MTCL1: variants seen among roughly 807,000 people sequenced by gnomAD.
The protein encoded by MTCL1 is microtubule crosslinking factor 1.
Under a neutral mutation model 141.4 loss-of-function variants are expected in MTCL1, and 79 were observed. That is an observed-to-expected ratio of 0.56 (90% CI 0.47 to 0.67). The LOEUF is 0.67. MTCL1 is among the 30% of genes least tolerant of loss of function. The pLI, the probability that MTCL1 is intolerant of heterozygous loss-of-function variation, is 0.00. For missense variants in MTCL1, 2,177 were observed against 2,113.9 expected (o/e 1.03, Z -0.59); for synonymous variants, 914 against 875.8 (o/e 1.04, Z -0.77).
intron 4 of MTCL1, among the ~76,000 whole-genome samples, chr18:8,728,720 C>CTTT (rs34524200): frequency 0.017 from 1,014 of 59,064 alleles, 273 homozygotes; most frequent in Admixed American, 0.038. Context: ...GTTGTCCATT[C>CTTT]TTTTTTTTTT....
intron 4 of MTCL1, among the ~76,000 whole-genome samples, chr18:8,729,755 ACTCCGTAG>A (rs2096241182): frequency 7.9e-6 from 1 of 126,190 alleles, no homozygotes; most frequent in Non-Finnish European, 1.7e-5. Flanking sequence ...ATTTTCTCTT[ACTCCGTAG>A]CTTGTCTTCT....
At chr18:8,705,562 G>A (rs955788716), upstream of MTCL1, 21 of 1,120,654 alleles carry the variant, frequency 1.9e-5, no homozygotes, top group Admixed American at 2.4e-4. This position sits in a 1 kb window ranked among gnomAD's most constrained non-coding sequence, Gnocchi z 5.2. Flanking sequence ...GGACAGTGAT[G>A]AGAGAGCGCG....
chr18:8,804,427 A>G (rs1382752100), intron 10 of MTCL1, among the ~76,000 whole-genome samples: 1 of 152,030 alleles, frequency 6.6e-6, no homozygotes, highest in Non-Finnish European at 1.5e-5. Context: ...ATTTTTAGGT[A>G]CTTTTTGACG....
rs2096525495 is a variant in MTCL1 at position 8,779,514 on chromosome 18, T to G, written c.417+1622T>G. On this transcript the variant is annotated intron_variant, in intron 5 of 16. Transcript: ENST00000359865. This position sits in a 1 kb window ranked among gnomAD's most constrained non-coding sequence, Gnocchi z 4.1. ...CCTGAGCTGAAGCTGTGATTCCACA[T>G]CTTATGAGAAGGAGTGGCTTCCCCT... 6.6e-6 allele frequency among the ~76,000 whole-genome samples: 1 copy of G among 152,152 alleles called. No individual in the cohort carries two copies. Among genetic ancestry groups the G allele is most frequent in the Admixed American group, 6.5e-5 (1 of 15,284 alleles).
chr18:8,791,445 A>G (rs1380126120), intron 7 of MTCL1, among the ~76,000 whole-genome samples: 1 of 149,994 alleles, frequency 6.7e-6, no homozygotes, highest in Non-Finnish European at 1.5e-5. Flanking sequence ...TACTAGATCC[A>G]TAGATAAGTG....
intron 4 of MTCL1, among the ~76,000 whole-genome samples, chr18:8,726,357 G>A (rs1172680215): frequency 2.3e-5 from 3 of 133,042 alleles, no homozygotes; most frequent in East Asian, 2.2e-4. Flanking sequence ...CTGGGAAGTC[G>A]AAAATCAAAA....
chr18:8,827,800 G>A (rs2077073566), intron 15 of MTCL1, among the ~76,000 whole-genome samples: 1 of 152,208 alleles, frequency 6.6e-6, no homozygotes, highest in Non-Finnish European at 1.5e-5. Context: ...ATTACGAATA[G>A]TGAATCCTGC....
At chr18:8,801,998 G>C (rs1374529713) in intron 10 of MTCL1, 1 of 152,202 alleles carries the variant, frequency 6.6e-6, no homozygotes, top group Non-Finnish European at 1.5e-5. Flanking sequence ...ATTCTCTGTA[G>C]GGGATAATGG....
intron 4 of MTCL1, among the ~76,000 whole-genome samples, chr18:8,750,830 G>T (rs1000563890): frequency 1.3e-5 from 2 of 152,204 alleles, no homozygotes; most frequent in Non-Finnish European, 2.9e-5. Flanking sequence ...GAAATGACTT[G>T]CTGGTAAAAC....
intron 4 of MTCL1, among the ~76,000 whole-genome samples, chr18:8,763,081 C>G (rs1036250736): frequency 3.3e-5 from 5 of 152,214 alleles, no homozygotes; most frequent in African/African-American, 7.2e-5. Context: ...TCTTCTCCCC[C>G]CAACCAAGCC....
chr18:8,792,605 C>T (rs538317843), intron 7 of MTCL1, among the ~76,000 whole-genome samples: 1 of 152,212 alleles, frequency 6.6e-6, no homozygotes, highest in East Asian at 1.9e-4. Context: ...AAGAGGCTGA[C>T]GTGTAATAGG....
intron 4 of MTCL1, among the ~76,000 whole-genome samples, chr18:8,740,803 T>C (rs2096298696): frequency 6.6e-6 from 1 of 152,176 alleles, no homozygotes; most frequent in Non-Finnish European, 1.5e-5. Context: ...AATTTTAGAT[T>C]ACTCCTTTTA....
chr18:8,740,629 C>T (rs959162976), intron 4 of MTCL1, among the ~76,000 whole-genome samples: 1 of 152,096 alleles, frequency 6.6e-6, no homozygotes, highest in Non-Finnish European at 1.5e-5. Context: ...ATTACAGGTA[C>T]CCGCCATCAC....
exon 15 of MTCL1, chr18:8,825,839 C>T (rs114723075): frequency 3.1e-6 from 5 of 1,614,230 alleles, no homozygotes; most frequent in Middle Eastern, 3.3e-4. Context: ...ATGATGGCCT[C>T]TCCAGCCTCT....
intron 1 of MTCL1, among the ~76,000 whole-genome samples, chr18:8,711,254 G>A (rs1391254388): frequency 6.8e-6 from 1 of 147,122 alleles, no homozygotes; most frequent in Non-Finnish European, 1.5e-5. Flanking sequence ...ATTCCATGGT[G>A]TATATGTGCC....
intron 8 of MTCL1, among the ~76,000 whole-genome samples, chr18:8,795,186 A>T (rs949233655): frequency 4.6e-5 from 7 of 152,146 alleles, no homozygotes; most frequent in African/African-American, 1.7e-4. Context: ...GCTGCCTCTG[A>T]CTCTTCACTG....
chr18:8,763,973 C>T (rs1437690615), intron 4 of MTCL1, among the ~76,000 whole-genome samples: 3 of 122,864 alleles, frequency 2.4e-5, no homozygotes, highest in Admixed American at 2.2e-4. Context: ...ACTTTATATA[C>T]TTGGTGAAGT....
intron 4 of MTCL1, among the ~76,000 whole-genome samples, chr18:8,757,715 CAGG>C (rs1330899547): frequency 6.6e-6 from 1 of 151,982 alleles, no homozygotes; most frequent in East Asian, 1.9e-4. Context: ...ATTTTTTTTT[CAGG>C]AGTATTGTCA....
rs554348155 is a variant in MTCL1 at position 8,751,903 on chromosome 18, G to A, written c.358-25930G>A. Among the ~76,000 whole-genome samples the A allele has an allele frequency of 1.1e-3, 173 of 152,298 alleles. 2 individuals carry two copies. Among genetic ancestry groups the A allele is most frequent in the African/African-American group, 3.8e-3 (157 of 41,574 alleles). On this transcript the variant is annotated intron_variant, in intron 4 of 16. Coordinates refer to ENST00000359865, the Ensembl canonical transcript of MTCL1. ...ACTTAGCTCAGGGCAGCGGTGACGC[G>A]GAAAAGAAACGTTTAAGGCCAAGCT...
Sources: allele counts gnomAD v4.1 joint callset (sites outside exome capture counted in the v4.1 genomes callset), GRCh38; gene constraint gnomAD v4.1.1; non-coding constraint Gnocchi (gnomAD v3.1); transcripts MANE v1.5; gene names NCBI Gene and HGNC (gene_info 2026-07-23, HGNC 2026-07-21).